Variants in EGFR observed in about 807,000 individuals in gnomAD.
EGFR encodes the protein avian erythroblastic leukemia viral (v-erb-b) oncogene homolog.
In EGFR, 58 loss-of-function variants were observed where a neutral mutation model predicts 143.0. The ratio of observed to expected loss-of-function variants is 0.41; its 90% confidence interval spans 0.33 to 0.50. The LOEUF (loss-of-function observed/expected upper bound fraction) is 0.50. Among genes scored for constraint, EGFR ranks in the 20% least tolerant of loss-of-function variants. The pLI, the probability that EGFR is intolerant of heterozygous loss-of-function variation, is 0.39. For synonymous variants in EGFR, 613 were observed against 594.4 expected (o/e 1.03, Z -0.45); for missense variants, 1,307 against 1,579.0 (o/e 0.83, Z 2.92).
In EGFR at chr7:55,202,958, T is replaced by C. The variant is rs1787919940; in HGVS notation, c.3271+333T>C. 7.0e-6 allele frequency: 4 copies of C among 574,968 alleles called. No homozygotes were observed. The African/African-American group carries it at 7.5e-5, about 11-fold the overall frequency. The allele number at this position is 574,968 out of a possible 1,614,324, so 35.6% of individuals were successfully genotyped here. On this transcript the variant is annotated intron_variant, in intron 27 of 27. Transcript: ENST00000275493. ...ATCTGTGTATGTGTGTGTGTGTATGTGTGTGTTTGTGACAGATTTGATCCC... is the reference window on the plus strand; with the variant it reads ...ATCTGTGTATGTGTGTGTGTGTATGCGTGTGTTTGTGACAGATTTGATCCC...
At chr7:55,048,369 C>T (rs1045380153) in intron 1 of EGFR, among the ~76,000 whole-genome samples, 2 of 152,122 alleles carry the variant, frequency 1.3e-5, no homozygotes, top group Non-Finnish European at 2.9e-5. Context: ...GTGAGGTTGG[C>T]GAAGTTTAGG....
chr7:55,123,991 A>C (rs748857570), intron 1 of EGFR, among the ~76,000 whole-genome samples: 2 of 152,152 alleles, frequency 1.3e-5, no homozygotes, highest in African/African-American at 4.8e-5. Flanking sequence ...GTATGTGTGT[A>C]TGCACATAAA....
At chr7:55,073,287 T>C (rs1252658499) in intron 1 of EGFR, among the ~76,000 whole-genome samples, 1 of 152,226 alleles carries the variant, frequency 6.6e-6, no homozygotes, top group African/African-American at 2.4e-5. Flanking sequence ...CTTGCACAAG[T>C]TATCAAGCCT....
intron 22 of EGFR, among the ~76,000 whole-genome samples, chr7:55,197,040 G>T (rs897077387): frequency 2.6e-5 from 4 of 152,040 alleles, no homozygotes; most frequent in African/African-American, 9.7e-5. Context: ...TTCTAGTTCT[G>T]TGAAGAATCT....
intron 24 of EGFR, 30 bp from the exon 25 acceptor site, chr7:55,201,158 A>T (rs1260157333): frequency 6.2e-7 from 1 of 1,614,172 alleles, no homozygotes; most frequent in South Asian, 1.1e-5. Context: ...TCTACGGGCC[A>T]TTCTAATAGC....
chr7:55,078,699 A>T, intron 1 of EGFR, among the ~76,000 whole-genome samples: 1 of 152,164 alleles, frequency 6.6e-6, no homozygotes, highest in South Asian at 2.1e-4. Context: ...GAGAGAGTGG[A>T]CGCTGTGGTG....
At position 55,023,131 on chromosome 7, in the gene EGFR, C is replaced by A. The variant is rs144220305; in HGVS notation, c.88+3766C>A. The stretch of plus-strand genomic sequence containing the variant: ...ATGGGTCACAATGTTGAGGACATTT[C>A]GCCTGTTGCAGAACCCACCTGCAAC... On this transcript the variant is annotated intron_variant, in intron 1 of 27. Coordinates refer to ENST00000275493, the MANE Select transcript of EGFR (RefSeq NM_005228.5). Among the ~76,000 whole-genome samples, 8 of 152,282 alleles carry A rather than the reference C, an allele frequency of 5.3e-5. 1 individual carries two copies. The East Asian group carries it at 1.5e-3, about 29-fold the overall frequency.
At chr7:55,101,618 T>G (rs1584041104) in intron 1 of EGFR, among the ~76,000 whole-genome samples, 1 of 152,230 alleles carries the variant, frequency 6.6e-6, no homozygotes, top group Non-Finnish European at 1.5e-5. Flanking sequence ...GCTGCTGCCC[T>G]GACCTGTCCG....
At chr7:55,164,970 A>C (rs1785893436) in intron 14 of EGFR, among the ~76,000 whole-genome samples, 2 of 152,358 alleles carry the variant, frequency 1.3e-5, no homozygotes, top group South Asian at 4.1e-4. Context: ...CATTTGGGCC[A>C]ATCAAGATGG....
intron 27 of EGFR, among the ~76,000 whole-genome samples, chr7:55,204,026 G>T (rs1350162384): frequency 6.6e-6 from 1 of 151,128 alleles, no homozygotes. Context: ...ATATGTTAGT[G>T]TAATATCTAA....
chr7:55,165,149 C>A, intron 14 of EGFR, 131 bp from the exon 15 acceptor site: 1 of 1,326,950 alleles, frequency 7.5e-7, no homozygotes, highest in East Asian at 2.5e-5. Context: ...CTGGTTTTCT[C>A]CTTTAAGAAT....
At chr7:55,087,750 C>T (rs757989679) in intron 1 of EGFR, among the ~76,000 whole-genome samples, 18 of 152,136 alleles carry the variant, frequency 1.2e-4, no homozygotes, top group African/African-American at 1.7e-4. Context: ...AGAGTCTCCT[C>T]GAAGATGTGG....
chr7:55,080,623 A>G (rs1790408990), intron 1 of EGFR, among the ~76,000 whole-genome samples: 1 of 152,196 alleles, frequency 6.6e-6, no homozygotes, highest in Non-Finnish European at 1.5e-5. Context: ...TCTATTGCAC[A>G]TCATGGTAAC....
At chr7:55,121,350 G>A (rs573821480) in intron 1 of EGFR, among the ~76,000 whole-genome samples, 1 of 152,322 alleles carries the variant, frequency 6.6e-6, no homozygotes, top group South Asian at 2.1e-4. Flanking sequence ...CAGAGGAGGA[G>A]TCAATGGGAG....
At chr7:55,045,714 G>A (rs1259977207) in intron 1 of EGFR, among the ~76,000 whole-genome samples, 1 of 152,212 alleles carries the variant, frequency 6.6e-6, no homozygotes, top group African/African-American at 2.4e-5. Flanking sequence ...TGTGTGAAAA[G>A]TGAAAAGTGC....
At chr7:55,157,142 G>A (rs1302252617) in intron 10 of EGFR, among the ~76,000 whole-genome samples, 1 of 152,236 alleles carries the variant, frequency 6.6e-6, no homozygotes, top group African/African-American at 2.4e-5. Context: ...GTGACAGGCA[G>A]CCTGGGCCTC....
Position 55,157,694 on chromosome 7 carries a change from C to T in EGFR, c.1239C>T (p.Asn413=), listed in dbSNP as rs2128939657. The T allele has an allele frequency of 6.2e-7, 1 of 1,614,226 alleles. No individual in the cohort carries two copies. Among genetic ancestry groups the T allele is most frequent in the South Asian group, 1.1e-5 (1 of 91,090 alleles). Reference sequence around the variant, plus strand: ...TGCTGATTCAGGCTTGGCCTGAAAACAGGACGGACCTCCATGCCTTTGAGA... The same window carrying T: ...TGCTGATTCAGGCTTGGCCTGAAAATAGGACGGACCTCCATGCCTTTGAGA... ...GFLLIQAWPE[N]RTDLHAFENL... Residue 413 remains asparagine (N), a synonymous_variant, in exon 11 of 28, where the codon AAC becomes AAT. Coordinates refer to ENST00000275493, the MANE Select transcript of EGFR (RefSeq NM_005228.5).
intron 19 of EGFR, among the ~76,000 whole-genome samples, chr7:55,178,099 C>A (rs938903269): frequency 6.6e-6 from 1 of 152,196 alleles, no homozygotes; most frequent in Non-Finnish European, 1.5e-5. Flanking sequence ...GTCAGCCCTG[C>A]GAGGCCCTGC....
At chr7:55,158,046 A>G (rs932920881) in intron 11 of EGFR, among the ~76,000 whole-genome samples, 1 of 152,174 alleles carries the variant, frequency 6.6e-6, no homozygotes. Flanking sequence ...TCTAACCTAT[A>G]TTAGCTCCTG....
Sources: gnomAD v4.1 joint callset for allele counts (sites outside exome capture counted in the v4.1 genomes callset) on GRCh38, gnomAD v4.1.1 for gene constraint, MANE v1.5 for transcripts, NCBI Gene and HGNC (gene_info 2026-07-23, HGNC 2026-07-21) for gene names.